The following EYA4 variants were observed in gnomAD, a reference collection of about 807,000 sequenced individuals.
EYA4 encodes EYA transcriptional coactivator and phosphatase 4.
EYA4 carries 31 observed loss-of-function variants against 87.9 expected under a neutral mutation model. That is an observed-to-expected ratio of 0.35 (90% CI 0.27 to 0.48). The LOEUF (loss-of-function observed/expected upper bound fraction) is 0.48, where lower values mean the gene tolerates loss of function less well. Ranked by LOEUF, EYA4 falls within the 20% of genes least tolerant of loss-of-function variation. The pLI is 0.99. For missense variants in EYA4, 678 were observed against 761.4 expected, an observed-to-expected ratio of 0.89 and a Z score of 1.29; for synonymous variants, 263 against 270.6, an observed-to-expected ratio of 0.97 and a Z score of 0.28.
At chr6:133,261,754 T>C (rs1775814718) in intron 1 of EYA4, among the ~76,000 whole-genome samples, 1 of 152,212 alleles carries the variant, frequency 6.6e-6, no homozygotes, top group Non-Finnish European at 1.5e-5. Context: ...CAGCAAAGAA[T>C]GTTAAAATGT....
chr6:133,315,412 T>G lies in EYA4; in HGVS notation c.33+40599T>G, dbSNP rs188703316. 3.1e-3 allele frequency among the ~76,000 whole-genome samples: 472 copies of G among 152,334 alleles called. 3 individuals are homozygous for G. The highest frequency in any genetic ancestry group is 0.011 in the African/African-American group (441 of 41,570). On this transcript the variant is annotated intron_variant, in intron 2 of 19. Coordinates refer to ENST00000355286, the MANE Select transcript of EYA4 (RefSeq NM_004100.5). ...TTCTTTAATTATGTGTAAACTTTATTTTTTAAATGAGAAAATTACATTAAA... is the reference window on the plus strand; with the variant it reads ...TTCTTTAATTATGTGTAAACTTTATGTTTTAAATGAGAAAATTACATTAAA...
intron 2 of EYA4, among the ~76,000 whole-genome samples, chr6:133,334,847 G>C (rs1782244659): frequency 6.6e-6 from 1 of 152,136 alleles, no homozygotes; most frequent in African/African-American, 2.4e-5. Flanking sequence ...TTATGATCCA[G>C]TTGTCTTTGG....
At chr6:133,278,649 A>G (rs1427282893) in intron 2 of EYA4, among the ~76,000 whole-genome samples, 1 of 152,234 alleles carries the variant, frequency 6.6e-6, no homozygotes, top group African/African-American at 2.4e-5. Context: ...AAAAAATTGC[A>G]TAGAAGGTCT....
At chr6:133,419,858 A>C (rs576964701) in intron 3 of EYA4, among the ~76,000 whole-genome samples, 144 of 152,318 alleles carry the variant, frequency 9.5e-4, no homozygotes, top group Admixed American at 2.6e-3. Context: ...CAGCCAGTAC[A>C]TGGTGGGCAT....
intron 3 of EYA4, among the ~76,000 whole-genome samples, chr6:133,410,458 C>G (rs191186308): frequency 1.2e-3 from 180 of 150,488 alleles, no homozygotes; most frequent in African/African-American, 4.1e-3. Flanking sequence ...TATATAAATC[C>G]AACTTAATTA....
At chr6:133,305,766 G>T (rs1779756381) in intron 2 of EYA4, among the ~76,000 whole-genome samples, 1 of 152,162 alleles carries the variant, frequency 6.6e-6, no homozygotes, top group African/African-American at 2.4e-5. Context: ...CACTGGGGAA[G>T]TTGAAGGTAT....
At chr6:133,300,443 G>A (rs941075772) in intron 2 of EYA4, among the ~76,000 whole-genome samples, 2 of 152,068 alleles carry the variant, frequency 1.3e-5, no homozygotes, top group African/African-American at 4.8e-5. Flanking sequence ...TCAGAAGTTA[G>A]TTTCTTTTAC....
intron 1 of EYA4, among the ~76,000 whole-genome samples, chr6:133,251,539 G>A (rs1012601977): frequency 6.6e-6 from 1 of 152,142 alleles, no homozygotes; most frequent in African/African-American, 2.4e-5. Context: ...ACTGCTACCA[G>A]GTGTATCTGT....
chr6:133,242,290 G>A (rs566436548), intron 1 of EYA4, among the ~76,000 whole-genome samples: 4 of 152,334 alleles, frequency 2.6e-5, no homozygotes, highest in Non-Finnish European at 5.9e-5. Flanking sequence ...TTAAAGGCTC[G>A]CGTTCTAATC....
rs2128830154 is a variant in EYA4, at chr6:133,530,451, A to G, written c.*1646A>G. Reference sequence around the variant, plus strand: ...AGACTTTAAGAACTAGAGTATTTTTATGGTGTCTGCACCTGCAGTTCTGTG... The same window carrying G: ...AGACTTTAAGAACTAGAGTATTTTTGTGGTGTCTGCACCTGCAGTTCTGTG... On this transcript the variant is annotated 3_prime_UTR_variant, in exon 20 of 20. Coordinates refer to ENST00000355286, the MANE Select transcript of EYA4 (RefSeq NM_004100.5). 1 of 985,628 alleles carries G rather than the reference A, an allele frequency of 1.0e-6. No homozygotes were observed. Among genetic ancestry groups the G allele is most frequent in the Non-Finnish European group, 1.2e-6 (1 of 829,908 alleles). 61.1% of individuals were successfully genotyped at this position (985,628 alleles called of 1,614,324 possible). A position where few individuals can be genotyped will look rare whatever the true frequency, so the allele number is the denominator to read the frequency against.
chr6:133,312,998 A>G lies in EYA4; in HGVS notation c.33+38185A>G, dbSNP rs767314174. ...TTTAGGATTAAGTGTAGGTGTATCC[A>G]CATCTCCTAAGATCTTTTAAGATTA... On this transcript the variant is annotated intron_variant, in intron 2 of 19. Coordinates refer to ENST00000355286, the MANE Select transcript of EYA4 (RefSeq NM_004100.5). Among the ~76,000 whole-genome samples, 72 of 152,122 alleles carry G rather than the reference A, an allele frequency of 4.7e-4. 1 individual carries two copies. The highest frequency in any genetic ancestry group is 3.2e-4 in the Non-Finnish European group (22 of 68,028).
In EYA4 at chr6:133,448,302, T is replaced by G. The variant is rs932111519; in HGVS notation, c.277+123T>G. 4.0e-6 allele frequency: 3 copies of G among 757,264 alleles called. No individual in the cohort carries two copies. The African/African-American group carries it at 5.1e-5, about 13-fold the overall frequency. The allele number at this position is 757,264 out of a possible 1,614,324, so 46.9% of individuals were successfully genotyped here. On this transcript the variant is annotated intron_variant, in intron 5 of 19. Transcript: ENST00000355286. ...GTGTTCAGTACTTAAAAAGGAAAAATGAACATGCCTTTTAGTTGTTTATTG... is the reference window on the plus strand; with the variant it reads ...GTGTTCAGTACTTAAAAAGGAAAAAGGAACATGCCTTTTAGTTGTTTATTG...
intron 14 of EYA4, among the ~76,000 whole-genome samples, chr6:133,508,094 T>G (rs1798810161): frequency 5.9e-5 from 9 of 152,186 alleles, no homozygotes; most frequent in Admixed American, 5.2e-4. Context: ...GTACATTCCA[T>G]AAATGTGTGT....
intron 2 of EYA4, among the ~76,000 whole-genome samples, chr6:133,380,679 T>A (rs1256515122): frequency 6.6e-6 from 1 of 152,194 alleles, no homozygotes; most frequent in Non-Finnish European, 1.5e-5. Context: ...AGGTTCTTTT[T>A]TTTTCAGATA....
At chr6:133,354,105 G>A (rs939544694) in intron 2 of EYA4, among the ~76,000 whole-genome samples, 13 of 152,054 alleles carry the variant, frequency 8.5e-5, no homozygotes, top group African/African-American at 2.9e-4. Flanking sequence ...ATAATTACTG[G>A]ATGTGCTATA....
intron 3 of EYA4, among the ~76,000 whole-genome samples, chr6:133,394,284 GTTTTTTTTTT>G (rs869103311): frequency 5.6e-5 from 1 of 17,872 alleles, no homozygotes; most frequent in South Asian, 1.6e-3. Context: ...ATAAGCTTGT[GTTTTTTTTTT>G]TTTTTTTTTT....
intron 1 of EYA4, among the ~76,000 whole-genome samples, chr6:133,243,066 A>C (rs1774096704): frequency 6.9e-6 from 1 of 145,156 alleles, no homozygotes; most frequent in African/African-American, 2.5e-5. Context: ...TTGGTTCCAG[A>C]GCAGTTCCAC....
At chr6:133,242,366 C>T (rs1342500769) in intron 1 of EYA4, among the ~76,000 whole-genome samples, 1 of 152,190 alleles carries the variant, frequency 6.6e-6, no homozygotes, top group East Asian at 1.9e-4. Flanking sequence ...GTGGCGTGGA[C>T]TGAATGTCTC....
At chr6:133,362,867 T>C (rs1784558455) in intron 2 of EYA4, among the ~76,000 whole-genome samples, 1 of 152,224 alleles carries the variant, frequency 6.6e-6, no homozygotes. Flanking sequence ...CTTTAGCTTC[T>C]TTAAGGAGGA....
Sources: allele counts gnomAD v4.1 joint callset (sites outside exome capture counted in the v4.1 genomes callset), GRCh38; gene constraint gnomAD v4.1.1; transcripts MANE v1.5; gene names NCBI Gene and HGNC (gene_info 2026-07-23, HGNC 2026-07-21).